Variants in TTC7B observed in about 807,000 individuals in gnomAD.
The protein encoded by TTC7B is tetratricopeptide repeat protein 7B.
In TTC7B, 28 loss-of-function variants were observed where a neutral mutation model predicts 106.8. The ratio of observed to expected loss-of-function variants is 0.26; its 90% confidence interval spans 0.19 to 0.36. The LOEUF (loss-of-function observed/expected upper bound fraction) is 0.36. Among genes scored for constraint, TTC7B ranks in the 10% least tolerant of loss-of-function variants. The pLI, the probability that TTC7B is intolerant of heterozygous loss-of-function variation, is 1.00. For synonymous variants in TTC7B, 405 were observed against 430.6 expected, an observed-to-expected ratio of 0.94 and a Z score of 0.74; for missense variants, 862 against 1,076.4, an observed-to-expected ratio of 0.80 and a Z score of 2.79.
rs1887704156 is a variant in TTC7B, at chr14:90,695,391, A to G, written c.777+109T>C. 1.7e-5 allele frequency: 8 copies of G among 464,844 alleles called. No homozygotes were observed. The East Asian group carries it at 2.7e-4, about 16-fold the overall frequency. The allele number at this position is 464,844 out of a possible 1,614,324, so 28.8% of individuals were successfully genotyped here. ...CATATATGTCACATATATTTATAAC[A>G]CATATATGTCACATATATTTATAAT... is the stretch of plus-strand genomic sequence containing the variant. On this transcript the variant is annotated intron_variant, in intron 6 of 19. Transcript: ENST00000328459.
At chr14:90,772,593 G>A (rs1197113592) in intron 3 of TTC7B, 3 of 152,230 alleles carry the variant, frequency 2.0e-5, no homozygotes, top group Non-Finnish European at 4.4e-5. Flanking sequence ...ACTGCCTTGA[G>A]TAGATGGGTA....
intron 19 of TTC7B, among the ~76,000 whole-genome samples, chr14:90,571,008 C>A (rs1209112254): frequency 1.3e-5 from 2 of 152,170 alleles, no homozygotes; most frequent in South Asian, 2.1e-4. Context: ...TCCTAAGGGA[C>A]CACACCAACA....
chr14:90,638,803 G>T (rs142729443), intron 15 of TTC7B, among the ~76,000 whole-genome samples: 31 of 152,322 alleles, frequency 2.0e-4, no homozygotes, highest in South Asian at 4.1e-4. Context: ...TACAGAGAGG[G>T]ACCCACCTTA....
At chr14:90,548,580 G>T (rs1889934753) in intron 19 of TTC7B, among the ~76,000 whole-genome samples, 2 of 152,224 alleles carry the variant, frequency 1.3e-5, no homozygotes, top group Admixed American at 6.5e-5. Context: ...CTCTAGCTCT[G>T]TTCCCCCACT....
chr14:90,794,211 CTTTTTT>C (rs1186061223), intron 1 of TTC7B, among the ~76,000 whole-genome samples: 2 of 45,096 alleles, frequency 4.4e-5, no homozygotes, highest in African/African-American at 7.1e-5. Flanking sequence ...CTGGGTATTT[CTTTTTT>C]TTTTTTTTTT....
chr14:90,569,727 A>AT (rs1395070622), intron 19 of TTC7B: 11 of 152,436 alleles, frequency 7.2e-5, no homozygotes, highest in Middle Eastern at 3.4e-3. Flanking sequence ...GAGCCTAGAC[A>AT]TGCCTGCACC....
intron 16 of TTC7B, among the ~76,000 whole-genome samples, chr14:90,617,025 T>C (rs72691733): frequency 0.046 from 7,056 of 152,288 alleles, 227 homozygotes; most frequent in Middle Eastern, 0.095. Flanking sequence ...AAGGGAAAAC[T>C]GTGCAAGACT....
At chr14:90,687,507 T>C (rs1887292287) in intron 7 of TTC7B, among the ~76,000 whole-genome samples, 1 of 152,174 alleles carries the variant, frequency 6.6e-6, no homozygotes, top group South Asian at 2.1e-4. Context: ...TGTGTCAAAG[T>C]GGACTGGGGG....
At chr14:90,632,536 G>T (rs1010575134) in intron 15 of TTC7B, among the ~76,000 whole-genome samples, 2 of 152,192 alleles carry the variant, frequency 1.3e-5, no homozygotes, top group Non-Finnish European at 2.9e-5. Flanking sequence ...GTTAACAGGG[G>T]AGATAGCATA....
chr14:90,560,901 C>G (rs1566770321), intron 19 of TTC7B, among the ~76,000 whole-genome samples: 1 of 152,218 alleles, frequency 6.6e-6, no homozygotes, highest in Non-Finnish European at 1.5e-5. Context: ...ATATATCAGG[C>G]AGCAGGTAAA....
At chr14:90,623,849 C>T (rs550402244) in intron 15 of TTC7B, among the ~76,000 whole-genome samples, 8 of 152,174 alleles carry the variant, frequency 5.3e-5, no homozygotes, top group African/African-American at 1.2e-4. Context: ...GGTGAAACCC[C>T]GTCTCTACTA....
chr14:90,766,867 C>T (rs770303685), intron 3 of TTC7B: 77 of 1,595,844 alleles, frequency 4.8e-5, no homozygotes, highest in Non-Finnish European at 6.1e-5. Flanking sequence ...AGACCTGGAG[C>T]GACTGAAGAA....
rs1280701468 is a variant in TTC7B, at chr14:90,541,321, C to T, written c.*47G>A. The T allele has an allele frequency of 9.9e-6, 15 of 1,521,314 alleles. No individual in the cohort carries two copies. The highest frequency in any genetic ancestry group is 6.9e-5 in the East Asian group (3 of 43,216). The allele number at this position is 1,521,314 out of a possible 1,614,324, so 94.2% of individuals were successfully genotyped here. The stretch of plus-strand genomic sequence containing the variant: ...CGATGGCACAAGCCCTGGTGCCCGG[C>T]AGGGCCTCTGAGGCCTGAGCGGCAG... On this transcript the variant is annotated 3_prime_UTR_variant, in exon 20 of 20. Transcript: ENST00000328459.
chr14:90,617,400 CA>C (rs1893129842), intron 16 of TTC7B, among the ~76,000 whole-genome samples: 1 of 152,170 alleles, frequency 6.6e-6, no homozygotes, highest in Admixed American at 6.5e-5. Context: ...CTGGTTCCTG[CA>C]TTAGTTAATA....
intron 19 of TTC7B, among the ~76,000 whole-genome samples, chr14:90,552,117 C>G (rs1247609966): frequency 6.6e-6 from 1 of 152,194 alleles, no homozygotes. Flanking sequence ...TCCACAGGGG[C>G]CAGGTCCTGG....
chr14:90,767,914 A>AT (rs1890742466), intron 3 of TTC7B, among the ~76,000 whole-genome samples: 1 of 152,232 alleles, frequency 6.6e-6, no homozygotes, highest in African/African-American at 2.4e-5. Flanking sequence ...GAAAAGTACA[A>AT]TTATCATTTA....
chr14:90,622,037 T>A (rs1364849747), intron 15 of TTC7B, among the ~76,000 whole-genome samples: 1 of 151,914 alleles, frequency 6.6e-6, no homozygotes, highest in Non-Finnish European at 1.5e-5. Context: ...TTTCAATATG[T>A]CTAACTGTCA....
Position 90,600,284 on chromosome 14 carries a change from C to T in TTC7B, c.1967-6658G>A, listed in dbSNP as rs1459287139. Among the ~76,000 whole-genome samples, 4 of 152,124 alleles carry T rather than the reference C, an allele frequency of 2.6e-5. No homozygotes were observed. The highest frequency in any genetic ancestry group is 6.5e-5 in the Admixed American group (1 of 15,274). The stretch of plus-strand genomic sequence containing the variant: ...AGGGTAGTCCTGCTTTCTGAGGAGG[C>T]GACTCCAGGTGGTGGCTCCTTGCAC... On this transcript the variant is annotated intron_variant, in intron 17 of 19. Transcript: ENST00000328459. The surrounding 1 kb of genome is among the most constrained non-coding windows in gnomAD (Gnocchi z 4.3).
intron 15 of TTC7B, among the ~76,000 whole-genome samples, chr14:90,620,103 G>A (rs887952088): frequency 1.3e-5 from 2 of 152,104 alleles, no homozygotes; most frequent in African/African-American, 4.8e-5. Context: ...GGAAGTCCAG[G>A]GCGGTGCGGT....
Sources: allele counts gnomAD v4.1 joint callset (sites outside exome capture counted in the v4.1 genomes callset), GRCh38; gene constraint gnomAD v4.1.1; non-coding constraint Gnocchi (gnomAD v3.1); transcripts MANE v1.5; gene names NCBI Gene and HGNC (gene_info 2026-07-23, HGNC 2026-07-21).